Variants in CSMD3 observed in about 807,000 individuals in gnomAD.
The protein encoded by CSMD3 is CUB and sushi domain-containing protein 3.
Under a neutral mutation model 435.2 loss-of-function variants are expected in CSMD3, and 177 were observed. That is an observed-to-expected ratio of 0.41 (90% CI 0.36 to 0.46). The LOEUF is 0.46. CSMD3 is among the 20% of genes least tolerant of loss of function. The probability of loss-of-function intolerance (pLI) is 0.34; values close to 1 mark genes in which losing one functional copy is unlikely to be tolerated. For synonymous variants in CSMD3, 1,656 were observed against 1,520.5 expected (o/e 1.09, Z -2.07); for missense variants, 4,265 against 4,504.6 (o/e 0.95, Z 1.52).
intron 22 of CSMD3, among the ~76,000 whole-genome samples, chr8:112,620,418 C>T (rs1833976717): frequency 6.6e-6 from 1 of 152,038 alleles, no homozygotes; most frequent in South Asian, 2.1e-4. Context: ...TAAAGTATGT[C>T]CCAGCTGACA....
chr8:112,770,493 T>A (rs1044523038), intron 13 of CSMD3, among the ~76,000 whole-genome samples: 4 of 152,008 alleles, frequency 2.6e-5, no homozygotes. Context: ...TTTCTTTTTT[T>A]TAAATAAAAT....
chr8:112,471,038 T>C (rs1370984861), intron 32 of CSMD3, among the ~76,000 whole-genome samples: 1 of 152,190 alleles, frequency 6.6e-6, no homozygotes, highest in Non-Finnish European at 1.5e-5. Context: ...TTTAGGAATC[T>C]GTTAATTTAC....
intron 59 of CSMD3, among the ~76,000 whole-genome samples, chr8:112,274,376 A>G (rs2130509521): frequency 6.6e-6 from 1 of 152,336 alleles, no homozygotes; most frequent in Admixed American, 6.5e-5. Flanking sequence ...AGGGAAGAGG[A>G]AGCTATGCAT....
intron 12 of CSMD3, among the ~76,000 whole-genome samples, chr8:112,807,533 TAGGTAGGA>T (rs1563980527): frequency 2.5e-5 from 2 of 79,808 alleles, no homozygotes; most frequent in African/African-American, 7.8e-5. Flanking sequence ...GGTAGGTAGG[TAGGTAGGA>T]AATACATGTT....
chr8:112,385,521 T>C (rs1280626923), intron 36 of CSMD3, among the ~76,000 whole-genome samples: 2 of 149,664 alleles, frequency 1.3e-5, no homozygotes, highest in Non-Finnish European at 3.0e-5. Flanking sequence ...GTGCTCTAAG[T>C]ACAGCACTGC....
intron 32 of CSMD3, among the ~76,000 whole-genome samples, chr8:112,437,138 A>G (rs1228702602): frequency 3.3e-5 from 5 of 152,090 alleles, no homozygotes; most frequent in African/African-American, 9.6e-5. Flanking sequence ...GAGATATATC[A>G]ACATTCTAAT....
intron 53 of CSMD3, among the ~76,000 whole-genome samples, chr8:112,300,715 A>C (rs989925053): frequency 2.0e-5 from 3 of 152,154 alleles, no homozygotes; most frequent in Admixed American, 1.3e-4. Context: ...TGCTCTTATA[A>C]AGAAATTGTT....
intron 2 of CSMD3, among the ~76,000 whole-genome samples, chr8:113,303,553 C>A (rs899453502): frequency 5.4e-5 from 8 of 148,478 alleles, no homozygotes; most frequent in South Asian, 2.2e-4. Flanking sequence ...GGTACTGGTA[C>A]CAAAACAGAG....
intron 32 of CSMD3, among the ~76,000 whole-genome samples, chr8:112,432,471 T>A (rs1813826603): frequency 6.6e-6 from 1 of 151,860 alleles, no homozygotes; most frequent in African/African-American, 2.4e-5. Flanking sequence ...ACACAAATAA[T>A]TTATTATTTT....
chr8:112,698,553 C>A (rs1350939100), intron 13 of CSMD3, among the ~76,000 whole-genome samples: 2 of 152,066 alleles, frequency 1.3e-5, no homozygotes, highest in Non-Finnish European at 2.9e-5. Context: ...AACTGGAATA[C>A]CTTGTTGTGC....
At chr8:112,735,992 A>C (rs967248042) in intron 13 of CSMD3, among the ~76,000 whole-genome samples, 14 of 152,050 alleles carry the variant, frequency 9.2e-5, no homozygotes, top group African/African-American at 3.4e-4. Flanking sequence ...TCATATTTCA[A>C]TTTTCAGTTT....
At chr8:112,386,776 C>G (rs562681441) in intron 36 of CSMD3, among the ~76,000 whole-genome samples, 1 of 152,252 alleles carries the variant, frequency 6.6e-6, no homozygotes, top group East Asian at 1.9e-4. Flanking sequence ...GGATTACAGG[C>G]GTGAGCCACC....
In CSMD3 at chr8:113,140,698, A is replaced by G. The variant is rs866139882; in HGVS notation, c.709+33024T>C. Among the ~76,000 whole-genome samples the G allele has an allele frequency of 3.3e-5, 5 of 151,198 alleles. No individual in the cohort carries two copies. The South Asian group carries it at 8.3e-4, about 25-fold the overall frequency. On this transcript the variant is annotated intron_variant, in intron 4 of 70. Transcript: ENST00000297405. ...GAAAGCCTCAAGGGATGTTTTAAAA[A>G]CACATTAAACTAAATGAAAATGTAA...
intron 54 of CSMD3, among the ~76,000 whole-genome samples, chr8:112,293,960 C>G (rs1383351089): frequency 6.6e-6 from 1 of 152,044 alleles, no homozygotes; most frequent in Non-Finnish European, 1.5e-5. Context: ...CATTTATAGT[C>G]TCAATTATTC....
Position 113,135,504 on chromosome 8 carries a change from G to A in CSMD3, c.710-36541C>T, listed in dbSNP as rs1000257401. Among the ~76,000 whole-genome samples, 5 of 151,874 alleles carry A rather than the reference G, an allele frequency of 3.3e-5. No individual in the cohort carries two copies. In the East Asian group the frequency reaches 7.8e-4, roughly 24 times the overall value. On this transcript the variant is annotated intron_variant, in intron 4 of 70. Transcript: ENST00000297405. ...TTTTGAAACTCAAAAGAATATTTGA[G>A]TAGACTATAGTTCTAACCACCATAT...
At chr8:113,264,624 CT>C in intron 3 of CSMD3, among the ~76,000 whole-genome samples, 1 of 151,196 alleles carries the variant, frequency 6.6e-6, no homozygotes, top group East Asian at 1.9e-4. Context: ...TTTTGAAATG[CT>C]TCAAAAAGTA....
At chr8:113,128,752 A>G (rs867082103) in intron 4 of CSMD3, among the ~76,000 whole-genome samples, 1 of 152,080 alleles carries the variant, frequency 6.6e-6, no homozygotes, top group African/African-American at 2.4e-5. Flanking sequence ...TTCAGGACCA[A>G]TTTCAAAATA....
intron 31 of CSMD3, among the ~76,000 whole-genome samples, chr8:112,473,578 A>G (rs1818736204): frequency 6.6e-6 from 1 of 152,150 alleles, no homozygotes; most frequent in African/African-American, 2.4e-5. Flanking sequence ...TCAAGGGAGA[A>G]GAGTTTCAAT....
intron 22 of CSMD3, among the ~76,000 whole-genome samples, chr8:112,635,024 T>C (rs2074617736): frequency 1.3e-5 from 2 of 152,116 alleles, no homozygotes; most frequent in Middle Eastern, 3.4e-3. Flanking sequence ...TTAGTAAGGA[T>C]TAAATGAGAT....
Sources: gnomAD v4.1 joint callset for allele counts (sites outside exome capture counted in the v4.1 genomes callset) on GRCh38, gnomAD v4.1.1 for gene constraint, MANE v1.5 for transcripts, NCBI Gene and HGNC (gene_info 2026-07-23, HGNC 2026-07-21) for gene names.